Variants in ETV6 observed in about 807,000 individuals in gnomAD.
ETV6 encodes transcription factor ETV6.
ETV6 carries 16 observed loss-of-function variants against 51.1 expected under a neutral mutation model. That is an observed-to-expected ratio of 0.31 (90% CI 0.21 to 0.48). ETV6 has a LOEUF of 0.48. Ranked by LOEUF, ETV6 falls within the 20% of genes least tolerant of loss-of-function variation. The pLI is 0.99. For missense variants in ETV6, 458 were observed against 594.8 expected (o/e 0.77, Z 2.39); for synonymous variants, 240 against 224.1 (o/e 1.07, Z -0.64).
intron 7 of ETV6, among the ~76,000 whole-genome samples, chr12:11,888,490 A>C (rs1439947781): frequency 6.7e-6 from 1 of 148,330 alleles, no homozygotes; most frequent in African/African-American, 2.5e-5. Flanking sequence ...CCACCTCCTG[A>C]ATTTAAGCAA....
At chr12:11,854,186 G>C (rs560608916) in intron 4 of ETV6, among the ~76,000 whole-genome samples, 1 of 152,040 alleles carries the variant, frequency 6.6e-6, no homozygotes, top group South Asian at 2.1e-4. Flanking sequence ...TAGATCCCGC[G>C]CATGCACAGT....
chr12:11,704,142 C>T (rs576796370), intron 1 of ETV6, among the ~76,000 whole-genome samples: 13 of 152,302 alleles, frequency 8.5e-5, no homozygotes, highest in Non-Finnish European at 1.8e-4. Flanking sequence ...ACCGTGAAAA[C>T]GGACTGTGTC....
chr12:11,650,490 A>AACC lies in ETV6; in HGVS notation c.33+331_33+332insCCA, dbSNP rs1479468856. On this transcript the variant is annotated intron_variant, in intron 1 of 7. Coordinates refer to ENST00000396373, the MANE Select transcript of ETV6 (RefSeq NM_001987.5). ...CCGTAATTAGTGCGCTTAAAAAAAA[A>AACC]AAAAACAAAAAACAAAAAAAAAAAA... 7.1e-4 allele frequency among the ~76,000 whole-genome samples: 45 copies of AACC among 63,400 alleles called. 1 individual carries two copies. Among genetic ancestry groups the AACC allele is most frequent in the African/African-American group, 2.5e-3 (45 of 17,800 alleles). 41.6% of individuals were successfully genotyped at this position (63,400 alleles called of 152,430 possible).
chr12:11,843,746 G>C (rs1249929237), intron 3 of ETV6, among the ~76,000 whole-genome samples: 7 of 151,978 alleles, frequency 4.6e-5, no homozygotes. Context: ...CAAATTTATC[G>C]CATCTACTTC....
chr12:11,885,191 G>A (rs1947166174), intron 6 of ETV6, among the ~76,000 whole-genome samples: 1 of 152,236 alleles, frequency 6.6e-6, no homozygotes, highest in African/African-American at 2.4e-5. Context: ...CCAGTCGATA[G>A]GTGGACCTGA....
At chr12:11,765,363 C>T (rs1225326420) in intron 2 of ETV6, among the ~76,000 whole-genome samples, 2 of 152,110 alleles carry the variant, frequency 1.3e-5, no homozygotes, top group African/African-American at 2.4e-5. Context: ...CATCTGTCTA[C>T]GTCTCTCTTG....
chr12:11,823,718 G>A (rs535376929), intron 2 of ETV6, among the ~76,000 whole-genome samples: 9 of 152,096 alleles, frequency 5.9e-5, no homozygotes, highest in Non-Finnish European at 1.0e-4. Context: ...CGCCTGCCTC[G>A]GCCTCCCAAA....
chr12:11,823,142 G>T (rs1247127744), intron 2 of ETV6, among the ~76,000 whole-genome samples: 1 of 152,160 alleles, frequency 6.6e-6, no homozygotes, highest in African/African-American at 2.4e-5. Flanking sequence ...CACCTCATTG[G>T]TTTTGTGGGG....
intron 3 of ETV6, among the ~76,000 whole-genome samples, chr12:11,841,811 G>A (rs564592677): frequency 1.7e-4 from 26 of 152,212 alleles, no homozygotes; most frequent in Non-Finnish European, 2.8e-4. Context: ...GGCCGGGCGC[G>A]GTGGCTCACG....
chr12:11,686,990 A>T (rs547124451), intron 1 of ETV6, among the ~76,000 whole-genome samples: 1 of 152,112 alleles, frequency 6.6e-6, no homozygotes, highest in South Asian at 2.1e-4. Flanking sequence ...GGTTCAAGTG[A>T]TTCTCCTGCC....
At chr12:11,734,529 GAAAA>G (rs369367648) in intron 1 of ETV6, among the ~76,000 whole-genome samples, 11 of 126,388 alleles carry the variant, frequency 8.7e-5, no homozygotes, top group South Asian at 5.1e-4. Context: ...AAAAAAAAAA[GAAAA>G]AAAAAAAAAG....
intron 2 of ETV6, among the ~76,000 whole-genome samples, chr12:11,796,817 C>G (rs1366044025): frequency 2.0e-5 from 3 of 147,716 alleles, no homozygotes; most frequent in East Asian, 3.9e-4. Flanking sequence ...CACAGGTTCT[C>G]TCTCTGTCAC....
intron 1 of ETV6, among the ~76,000 whole-genome samples, chr12:11,658,807 AT>A (rs755653614): frequency 1.3e-5 from 2 of 152,256 alleles, no homozygotes; most frequent in Non-Finnish European, 2.9e-5. Context: ...TTACAGCAGA[AT>A]TTTGAAGGAA....
chr12:11,733,363 G>A (rs550474905), intron 1 of ETV6, among the ~76,000 whole-genome samples: 65 of 129,188 alleles, frequency 5.0e-4, no homozygotes, highest in African/African-American at 1.9e-3. Context: ...AGCCGAGATC[G>A]CACCACTGCA....
chr12:11,885,473 T>A (rs1947169820), intron 6 of ETV6, among the ~76,000 whole-genome samples: 1 of 152,178 alleles, frequency 6.6e-6, no homozygotes, highest in Admixed American at 6.5e-5. Context: ...ACAAAAGAAT[T>A]GTCTTCCTTA....
intron 2 of ETV6, among the ~76,000 whole-genome samples, chr12:11,757,579 C>G (rs1365949965): frequency 6.6e-6 from 1 of 152,182 alleles, no homozygotes; most frequent in Non-Finnish European, 1.5e-5. Context: ...ATGAGCTGAC[C>G]GTGTCTCCGA....
chr12:11,703,124 G>C (rs562543242), intron 1 of ETV6, among the ~76,000 whole-genome samples: 1 of 152,178 alleles, frequency 6.6e-6, no homozygotes, highest in South Asian at 2.1e-4. Flanking sequence ...ACAAACAAGT[G>C]ACATTTATAG....
At position 11,752,566 on chromosome 12, in the gene ETV6, G is replaced by A. The variant is rs1292426806; in HGVS notation, c.150G>A (p.Leu50=). Residue 50 remains leucine, a synonymous_variant, in exon 2 of 8, where the codon CTG becomes CTA. Transcript: ENST00000396373. Reference sequence around the variant, plus strand: ...GGATGGAGGAAGACTCGATCCGCCTGCCTGCGCACCTGCGTGAGTGTTCGT... The same window carrying A: ...GGATGGAGGAAGACTCGATCCGCCTACCTGCGCACCTGCGTGAGTGTTCGT... ...ALRMEEDSIR[L]PAHLRLQPIY... 6.2e-7 allele frequency: 1 copy of A among 1,612,704 alleles called. No individual in the cohort carries two copies. The highest frequency in any genetic ancestry group is 1.7e-5 in the Admixed American group (1 of 60,026).
intron 1 of ETV6, among the ~76,000 whole-genome samples, chr12:11,693,631 G>T (rs770449490): frequency 1.3e-5 from 2 of 152,200 alleles, no homozygotes; most frequent in Non-Finnish European, 2.9e-5. Flanking sequence ...TCTGTCCAGG[G>T]TCTGGACCAA....
Sources: gnomAD v4.1 joint callset for allele counts (sites outside exome capture counted in the v4.1 genomes callset) on GRCh38, gnomAD v4.1.1 for gene constraint, MANE v1.5 for transcripts, NCBI Gene and HGNC (gene_info 2026-07-23, HGNC 2026-07-21) for gene names.